NAV3: variants seen among roughly 807,000 people sequenced by gnomAD.
The protein encoded by NAV3 is neuron navigator 3.
Under a neutral mutation model 244.7 loss-of-function variants are expected in NAV3, and 87 were observed. The ratio of observed to expected loss-of-function variants is 0.36; its 90% CI spans 0.30 to 0.42. The LOEUF (loss-of-function observed/expected upper bound fraction) is 0.42, where lower values mean the gene tolerates loss of function less well. Ranked by LOEUF, NAV3 falls within the 20% of genes least tolerant of loss-of-function variation. NAV3 has a pLI of 1.00. For synonymous variants in NAV3, 1,126 were observed against 1,042.2 expected, an observed-to-expected ratio of 1.08 and a Z score of -1.55; for missense variants, 2,663 against 2,893.3, an observed-to-expected ratio of 0.92 and a Z score of 1.83.
intron 2 of NAV3, among the ~76,000 whole-genome samples, chr12:77,788,462 C>T (rs559944509): frequency 4.9e-4 from 75 of 152,290 alleles, no homozygotes; most frequent in Middle Eastern, 3.4e-3. Flanking sequence ...CTTAACCTCT[C>T]TGCACTCCTG....
intron 9 of NAV3, among the ~76,000 whole-genome samples, chr12:78,032,450 A>C (rs1879157451): frequency 6.6e-6 from 1 of 152,208 alleles, no homozygotes; most frequent in South Asian, 2.1e-4. Context: ...ATACTGGATA[A>C]ATGACTTTTT....
chr12:77,596,020 G>A (rs1870151273), intron 2 of NAV3, among the ~76,000 whole-genome samples: 1 of 152,164 alleles, frequency 6.6e-6, no homozygotes, highest in African/African-American at 2.4e-5. Context: ...ACTTATACTT[G>A]TCATTCAATT....
intron 2 of NAV3, among the ~76,000 whole-genome samples, chr12:77,728,527 G>A (rs952211023): frequency 6.6e-6 from 1 of 151,824 alleles, no homozygotes; most frequent in Non-Finnish European, 1.5e-5. Flanking sequence ...CTACACTGAG[G>A]AAATGGACAA....
chr12:77,731,569 A>C (rs1299042022), intron 2 of NAV3, among the ~76,000 whole-genome samples: 1 of 151,976 alleles, frequency 6.6e-6, no homozygotes, highest in African/African-American at 2.4e-5. Context: ...TAAGAGAGAG[A>C]GGAATCTTCA....
At chr12:78,100,004 A>G (rs893934010) in intron 12 of NAV3, among the ~76,000 whole-genome samples, 2 of 151,918 alleles carry the variant, frequency 1.3e-5, no homozygotes, top group Non-Finnish European at 2.9e-5. Flanking sequence ...GTAAATCTTC[A>G]TTATTTATAT....
chr12:77,878,596 A>G (rs761130890), intron 1 of NAV3, among the ~76,000 whole-genome samples: 9 of 152,024 alleles, frequency 5.9e-5, no homozygotes, highest in East Asian at 5.8e-4. Context: ...GATATGTAAT[A>G]ATAGAAGACA....
Position 77,900,298 on chromosome 12 carries a change from G to A in NAV3, c.244-40021G>A, listed in dbSNP as rs112301122. Among the ~76,000 whole-genome samples, 1,235 of 152,024 alleles carry A rather than the reference G, an allele frequency of 8.1e-3. 16 individuals are homozygous for A. The highest frequency in any genetic ancestry group is 0.044 in the South Asian group (210 of 4,816). On this transcript the variant is annotated intron_variant, in intron 1 of 39. Transcript: ENST00000397909. Reference sequence around the variant, plus strand: ...TCACCATGTTAGCCAGGATGGTCTCGATCTCCTGACCTCATGATCTGCCCG... The same window carrying A: ...TCACCATGTTAGCCAGGATGGTCTCAATCTCCTGACCTCATGATCTGCCCG...
intron 12 of NAV3, among the ~76,000 whole-genome samples, chr12:78,105,137 C>T (rs2138283749): frequency 6.6e-6 from 1 of 152,170 alleles, no homozygotes; most frequent in East Asian, 1.9e-4. Flanking sequence ...ATGTGTCTTT[C>T]TTATACCAAC....
chr12:77,835,833 C>T (rs113560496), intron 1 of NAV3, among the ~76,000 whole-genome samples: 2 of 152,192 alleles, frequency 1.3e-5, no homozygotes, highest in African/African-American at 4.8e-5. Context: ...TCTTGTCTCC[C>T]AGTTGTCACT....
intron 2 of NAV3, among the ~76,000 whole-genome samples, chr12:77,718,742 C>T (rs948586129): frequency 1.3e-5 from 2 of 152,024 alleles, no homozygotes; most frequent in African/African-American, 4.8e-5. Context: ...ACTGCAACCT[C>T]CGCCTCCTGG....
chr12:77,656,220 G>A (rs1195023980), intron 2 of NAV3, among the ~76,000 whole-genome samples: 16 of 141,078 alleles, frequency 1.1e-4, no homozygotes, highest in African/African-American at 2.6e-4. Context: ...CCCATCTCAC[G>A]TGCAGAGACA....
At chr12:78,158,707 CT>C (rs1201294090) in intron 22 of NAV3, among the ~76,000 whole-genome samples, 1 of 140,684 alleles carries the variant, frequency 7.1e-6, no homozygotes, top group Non-Finnish European at 1.7e-5. Context: ...AGATAATGTT[CT>C]AGCTGTCAGC....
chr12:77,733,119 C>A (rs1249639062), intron 2 of NAV3, among the ~76,000 whole-genome samples: 4 of 151,756 alleles, frequency 2.6e-5, no homozygotes, highest in Non-Finnish European at 5.9e-5. Flanking sequence ...TTGGAAATAT[C>A]AGAGGAGGGG....
chr12:77,901,291 A>C (rs1028508100), intron 1 of NAV3, among the ~76,000 whole-genome samples: 6 of 152,134 alleles, frequency 3.9e-5, no homozygotes, highest in South Asian at 4.1e-4. Context: ...GTCATAAATT[A>C]TTTCCCAAGG....
At chr12:78,011,615 G>A (rs1278850878) in intron 8 of NAV3, among the ~76,000 whole-genome samples, 1 of 152,014 alleles carries the variant, frequency 6.6e-6, no homozygotes, top group African/African-American at 2.4e-5. Flanking sequence ...TATAATCCAG[G>A]CATGATGGGA....
intron 2 of NAV3, among the ~76,000 whole-genome samples, chr12:77,817,583 G>C (rs1872571344): frequency 6.6e-6 from 1 of 151,814 alleles, no homozygotes; most frequent in African/African-American, 2.4e-5. Flanking sequence ...CTTCACCTGA[G>C]GTTTCTCTAG....
chr12:77,912,575 A>G (rs1886709646), intron 1 of NAV3, among the ~76,000 whole-genome samples: 1 of 152,120 alleles, frequency 6.6e-6, no homozygotes, highest in Non-Finnish European at 1.5e-5. Flanking sequence ...CTTTTAAAAC[A>G]TACTATTATT....
At chr12:78,090,253 T>TTA (rs1173910609) in intron 12 of NAV3, among the ~76,000 whole-genome samples, 3 of 127,048 alleles carry the variant, frequency 2.4e-5, no homozygotes, top group African/African-American at 5.8e-5. Context: ...ATATCAAATT[T>TTA]TATATATATA....
chr12:78,168,545 A>AAAAC (rs770574052), intron 23 of NAV3, among the ~76,000 whole-genome samples: 27 of 151,780 alleles, frequency 1.8e-4, no homozygotes, highest in Admixed American at 8.6e-4. Flanking sequence ...GACAATAAGA[A>AAAAC]AAACAAACAA....
Sources: gnomAD v4.1 joint callset for allele counts (sites outside exome capture counted in the v4.1 genomes callset) on GRCh38, gnomAD v4.1.1 for gene constraint, MANE v1.5 for transcripts, NCBI Gene and HGNC (gene_info 2026-07-23, HGNC 2026-07-21) for gene names.